CHRM3: variants seen among roughly 807,000 people sequenced by gnomAD.
CHRM3 encodes the protein cholinergic receptor muscarinic 3.
A neutral mutation model predicts 41.8 loss-of-function variants in CHRM3; 11 were observed. That is an observed-to-expected ratio of 0.26 (90% CI 0.17 to 0.44). The LOEUF is 0.44. Among genes scored for constraint, CHRM3 ranks in the 20% least tolerant of loss-of-function variants. The pLI is 1.00. For synonymous variants in CHRM3, 297 were observed against 301.4 expected (o/e 0.99, Z 0.15); for missense variants, 571 against 745.4 (o/e 0.77, Z 2.72).
intron 3 of CHRM3, among the ~76,000 whole-genome samples, chr1:239,562,520 G>A (rs181825843): frequency 1.2e-4 from 19 of 152,180 alleles, no homozygotes; most frequent in Middle Eastern, 3.4e-3. Context: ...AGACTTAATG[G>A]TAAAGTTTTC....
chr1:239,393,503 G>A (rs1351375828), intron 1 of CHRM3, among the ~76,000 whole-genome samples: 1 of 152,166 alleles, frequency 6.6e-6, no homozygotes, highest in Non-Finnish European at 1.5e-5. Flanking sequence ...CTTGTGTGAA[G>A]GGAGAGGTGA....
chr1:239,668,257 T>C (rs1278251123), intron 4 of CHRM3, among the ~76,000 whole-genome samples: 2 of 151,608 alleles, frequency 1.3e-5, no homozygotes, highest in African/African-American at 4.8e-5. Flanking sequence ...AACTACCACC[T>C]GTAATATTTT....
At chr1:239,798,456 TC>T (rs1669967727) in intron 5 of CHRM3, among the ~76,000 whole-genome samples, 1 of 152,146 alleles carries the variant, frequency 6.6e-6, no homozygotes. Context: ...TTTTTGTTGA[TC>T]CCTCTATTCC....
rs141869459 is a variant in CHRM3 at position 239,642,728 on chromosome 1, G to A, written c.-250+10442G>A. Among the ~76,000 whole-genome samples the A allele has an allele frequency of 6.7e-3, 1,019 of 152,150 alleles. 11 individuals are homozygous for A. Among genetic ancestry groups the A allele is most frequent in the African/African-American group, 0.023 (951 of 41,514 alleles). ...TGGTTTGAATTTCCTCCTGTAGCTC[G>A]GAGTACTTTGATCATCTGAAGCCTT... is the stretch of plus-strand genomic sequence containing the variant. On this transcript the variant is annotated intron_variant, in intron 4 of 6. Coordinates refer to ENST00000676153, the MANE Select transcript of CHRM3 (RefSeq NM_001375978.1).
At chr1:239,676,091 G>T (rs1402044165) in intron 4 of CHRM3, among the ~76,000 whole-genome samples, 1 of 152,184 alleles carries the variant, frequency 6.6e-6, no homozygotes, top group Non-Finnish European at 1.5e-5. Context: ...ATGAGTGCTA[G>T]CTTCTTTTTC....
At chr1:239,425,033 A>C (rs1349062401) in intron 1 of CHRM3, among the ~76,000 whole-genome samples, 1 of 152,240 alleles carries the variant, frequency 6.6e-6, no homozygotes, top group Non-Finnish European at 1.5e-5. Context: ...GGCTTCTGCA[A>C]CCATGCAGTT....
At chr1:239,465,701 C>T (rs1256482659) in intron 1 of CHRM3, among the ~76,000 whole-genome samples, 1 of 152,172 alleles carries the variant, frequency 6.6e-6, no homozygotes, top group Non-Finnish European at 1.5e-5. Context: ...AATTCCTTAT[C>T]ATATAATTCC....
chr1:239,633,068 G>A lies in CHRM3; in HGVS notation c.-250+782G>A, dbSNP rs377545690. Among the ~76,000 whole-genome samples the A allele has an allele frequency of 3.9e-4, 60 of 152,318 alleles. No homozygotes were observed. The South Asian group carries it at 0.012, about 32-fold the overall frequency. ...GCTCACTGCAAGCTCCGCCTCCCGG[G>A]TTCACACCATTCTCCTGCCTCAGCC... On this transcript the variant is annotated intron_variant, in intron 4 of 6. Transcript: ENST00000676153.
intron 6 of CHRM3, among the ~76,000 whole-genome samples, chr1:239,863,128 G>A (rs1675773819): frequency 6.6e-6 from 1 of 152,164 alleles, no homozygotes; most frequent in South Asian, 2.1e-4. Context: ...ACCCAGGCCT[G>A]TTTAGCTCCA....
At chr1:239,580,264 A>T (rs1311831358) in intron 3 of CHRM3, among the ~76,000 whole-genome samples, 4 of 39,324 alleles carry the variant, frequency 1.0e-4, no homozygotes, top group East Asian at 1.2e-3. Flanking sequence ...ACTGTCACAC[A>T]CACACACACA....
chr1:239,593,995 A>G (rs1664496505), intron 3 of CHRM3, among the ~76,000 whole-genome samples: 1 of 152,216 alleles, frequency 6.6e-6, no homozygotes, highest in Non-Finnish European at 1.5e-5. Context: ...ATTAATAATT[A>G]TCATCAAGCA....
At chr1:239,891,531 G>A (rs1401265349) in intron 6 of CHRM3, among the ~76,000 whole-genome samples, 1 of 152,152 alleles carries the variant, frequency 6.6e-6, no homozygotes, top group Non-Finnish European at 1.5e-5. Flanking sequence ...GACACAAAGG[G>A]AACAGGAATT....
Position 239,659,964 on chromosome 1 carries a change from C to T in CHRM3, c.-249-18222C>T, listed in dbSNP as rs115125421. Among the ~76,000 whole-genome samples, 874 of 152,136 alleles carry T rather than the reference C, an allele frequency of 5.7e-3. 3 individuals are homozygous for T. The highest frequency in any genetic ancestry group is 0.015 in the African/African-American group (639 of 41,520). ...TTTCTTAATTTCTAACTGTCTTATT[C>T]TTCTTTACTTATTAGAGACAGGGTC... On this transcript the variant is annotated intron_variant, in intron 4 of 6. Coordinates refer to ENST00000676153, the MANE Select transcript of CHRM3 (RefSeq NM_001375978.1).
intron 3 of CHRM3, among the ~76,000 whole-genome samples, chr1:239,570,980 G>A (rs1025819038): frequency 6.6e-6 from 1 of 152,126 alleles, no homozygotes; most frequent in African/African-American, 2.4e-5. Context: ...AAGAGGAACA[G>A]GTGCTGGATT....
chr1:239,618,590 A>AT (rs1266649175), intron 3 of CHRM3, among the ~76,000 whole-genome samples: 3 of 151,856 alleles, frequency 2.0e-5, no homozygotes, highest in Admixed American at 1.3e-4. Context: ...CACGCCTGTA[A>AT]TCCCAGCACT....
At chr1:239,838,349 A>G (rs981305603) in intron 6 of CHRM3, among the ~76,000 whole-genome samples, 2 of 152,128 alleles carry the variant, frequency 1.3e-5, no homozygotes, top group Non-Finnish European at 2.9e-5. Context: ...GATCAGAGAC[A>G]AATGTTTGTG....
intron 6 of CHRM3, chr1:239,898,491 A>G (rs993964420): frequency 6.6e-6 from 1 of 152,256 alleles, no homozygotes; most frequent in African/African-American, 2.4e-5. Context: ...TGGATTACAA[A>G]TAGGGAAGAG....
intron 5 of CHRM3, among the ~76,000 whole-genome samples, chr1:239,679,217 AATACTT>A (rs2149091288): frequency 6.6e-6 from 1 of 152,282 alleles, no homozygotes; most frequent in African/African-American, 2.4e-5. Context: ...GGCTTGTTGA[AATACTT>A]ATAAATATTT....
chr1:239,707,349 T>G (rs1189153072), intron 5 of CHRM3: 1 of 152,138 alleles, frequency 6.6e-6, no homozygotes, highest in Non-Finnish European at 1.5e-5. Context: ...AGCTGCATAA[T>G]AAAAAAATTA....
Sources: gnomAD v4.1 joint callset for allele counts (sites outside exome capture counted in the v4.1 genomes callset) on GRCh38, gnomAD v4.1.1 for gene constraint, MANE v1.5 for transcripts, NCBI Gene and HGNC (gene_info 2026-07-23, HGNC 2026-07-21) for gene names.